TRAPPC11: variants seen among roughly 807,000 people sequenced by gnomAD.
The protein encoded by TRAPPC11 is foie gras homolog.
A neutral mutation model predicts 151.2 loss-of-function variants in TRAPPC11; 104 were observed. That is an observed-to-expected ratio of 0.69 (90% confidence interval 0.59 to 0.81). The LOEUF is 0.81. Among genes scored for constraint, TRAPPC11 ranks in the 30% least tolerant of loss-of-function variants. The pLI, the probability that TRAPPC11 is intolerant of heterozygous loss-of-function variation, is 0.00. For missense variants in TRAPPC11, 1,230 were observed against 1,349.6 expected, an observed-to-expected ratio of 0.91 and a Z score of 1.39; for synonymous variants, 456 against 472.3, an observed-to-expected ratio of 0.97 and a Z score of 0.45.
intron 25 of TRAPPC11, among the ~76,000 whole-genome samples, chr4:183,699,150 T>C (rs959337110): frequency 6.6e-6 from 1 of 152,112 alleles, no homozygotes; most frequent in Non-Finnish European, 1.5e-5. Flanking sequence ...TGCCCTTTGC[T>C]CTCTCCCAGG....
At chr4:183,669,504 G>T (rs1372426741) in intron 5 of TRAPPC11, among the ~76,000 whole-genome samples, 3 of 152,028 alleles carry the variant, frequency 2.0e-5, no homozygotes, top group Non-Finnish European at 4.4e-5. Context: ...TCCTTTTCTG[G>T]GCTCTCTCTT....
Position 183,667,089 on chromosome 4 carries a change from T to A in TRAPPC11, c.404T>A (p.Val135Asp), listed in dbSNP as rs141880154. 104 of 1,603,650 alleles carry A rather than the reference T, an allele frequency of 6.5e-5. No individual in the cohort carries two copies. Among genetic ancestry groups the A allele is most frequent in the Non-Finnish European group, 7.8e-5 (91 of 1,173,304 alleles). ...RQSLQGRNTK[V>D]AVVLIQKKTP... ...AGTTTACAAGGAAGAAACACAAAAG[T>A]TGCAGTGGTTCTGATTCAGAAGAAA... Residue 135 changes from valine (V) to aspartate (D), a missense_variant, in exon 4 of 30, where the codon GTT becomes GAT. Val to Asp is a radical substitution (Grantham distance 152, BLOSUM62 -3). Coordinates refer to ENST00000334690, the MANE Select transcript of TRAPPC11 (RefSeq NM_021942.6).
intron 7 of TRAPPC11, among the ~76,000 whole-genome samples, chr4:183,676,812 T>G (rs1445664989): frequency 6.6e-6 from 1 of 152,214 alleles, no homozygotes; most frequent in East Asian, 1.9e-4. Context: ...TTACCTGGGC[T>G]GGACTGTGGT....
At chr4:183,669,178 A>G (rs1337256356) in intron 5 of TRAPPC11, among the ~76,000 whole-genome samples, 1 of 152,242 alleles carries the variant, frequency 6.6e-6, no homozygotes, top group African/African-American at 2.4e-5. Flanking sequence ...AAACAGTAGA[A>G]TTCACACCAC....
At position 183,666,426 on chromosome 4, in the gene TRAPPC11, G is replaced by A. The variant is rs1561027445; in HGVS notation, c.374G>A (p.Arg125Lys). ...TGCGCCACCAGAGTGGAAATAGTCA[G>A]GTATGATCTTCTGTGTCAGGGCAGC... ...SECATRVEIV[R>K]QSLQGRNTKV... is the part of the protein sequence containing the mutation. The change falls in exon 3 of 30, where the codon AGG becomes AAG. Residue 125 changes from arginine (R) to lysine (K), a missense_variant and splice_region_variant. Coordinates refer to ENST00000334690, the MANE Select transcript of TRAPPC11 (RefSeq NM_021942.6). 1 of 1,611,982 alleles carries A rather than the reference G, an allele frequency of 6.2e-7. No individual in the cohort carries two copies.
intron 18 of TRAPPC11, among the ~76,000 whole-genome samples, chr4:183,689,390 C>T (rs1299090152): frequency 1.3e-5 from 2 of 152,006 alleles, no homozygotes; most frequent in African/African-American, 4.8e-5. Context: ...CCTTTTCTCA[C>T]TTAAAAGCAT....
At chr4:183,684,581 T>C (rs1438656080) in intron 14 of TRAPPC11, 115 bp from the exon 15 acceptor site, 9 of 1,209,064 alleles carry the variant, frequency 7.4e-6, no homozygotes, top group African/African-American at 1.5e-5. Flanking sequence ...TGTTCAACCA[T>C]CTCAGTAAGA....
rs1737398517 is a variant in TRAPPC11 at position 183,712,831 on chromosome 4, T to G, written c.*187T>G. 2.0e-6 allele frequency: 1 copy of G among 495,038 alleles called. No individual in the cohort carries two copies. The highest frequency in any genetic ancestry group is 3.8e-5 in the Admixed American group (1 of 26,560). 30.7% of individuals were successfully genotyped at this position (495,038 alleles called of 1,614,324 possible). A position where few individuals can be genotyped will look rare whatever the true frequency, so the allele number is the denominator to read the frequency against. On this transcript the variant is annotated 3_prime_UTR_variant, in exon 30 of 30. Coordinates refer to ENST00000334690, the MANE Select transcript of TRAPPC11 (RefSeq NM_021942.6). ...TTAGGAAAATCTGTCTTATAGTTTC[T>G]CTAATAAATATCTGAAATCTCAGTA...
intron 2 of TRAPPC11, among the ~76,000 whole-genome samples, chr4:183,665,132 T>TTG: frequency 2.1e-5 from 3 of 146,040 alleles, no homozygotes; most frequent in Non-Finnish European, 1.5e-5. Flanking sequence ...TCTCGCTCTG[T>TTG]CCCCGAGGCT....
At chr4:183,704,248 C>T (rs368490410) in intron 26 of TRAPPC11, among the ~76,000 whole-genome samples, 9 of 152,146 alleles carry the variant, frequency 5.9e-5, no homozygotes, top group East Asian at 1.9e-4. Context: ...AGGCCTGGTG[C>T]GGTGGCTCAC....
chr4:183,687,151 AG>A (rs1736018519), intron 18 of TRAPPC11, among the ~76,000 whole-genome samples: 1 of 152,218 alleles, frequency 6.6e-6, no homozygotes, highest in Admixed American at 6.5e-5. Flanking sequence ...ACTGCACTCC[AG>A]CCTGGTGACA....
chr4:183,707,341 C>T (rs1214902190), intron 28 of TRAPPC11, among the ~76,000 whole-genome samples: 1 of 151,718 alleles, frequency 6.6e-6, no homozygotes, highest in Non-Finnish European at 1.5e-5. Flanking sequence ...AGTGAAGTTT[C>T]ATAGCAATTT....
chr4:183,683,027 T>G (rs370373558), intron 11 of TRAPPC11, among the ~76,000 whole-genome samples: 1 of 152,292 alleles, frequency 6.6e-6, no homozygotes, highest in Admixed American at 6.5e-5. Flanking sequence ...GCTGTTGTGA[T>G]TAAAACATGT....
chr4:183,704,716 G>A lies in TRAPPC11; in HGVS notation c.2964-263G>A, dbSNP rs1736968402. Among the ~76,000 whole-genome samples the A allele has an allele frequency of 2.6e-5, 4 of 152,142 alleles. No individual in the cohort carries two copies. The South Asian group carries it at 6.2e-4, about 24-fold the overall frequency. ...TAGTTCCAGCTACTCGGGAGGCTGA[G>A]GCAGGAGAATGGTGTAAACCTGGGA... On this transcript the variant is annotated intron_variant, in intron 26 of 29. Coordinates refer to ENST00000334690, the MANE Select transcript of TRAPPC11 (RefSeq NM_021942.6).
intron 17 of TRAPPC11, 152 bp from the exon 18 acceptor site, chr4:183,686,466 C>A: frequency 2.6e-6 from 2 of 779,088 alleles, no homozygotes; most frequent in Non-Finnish European, 3.9e-6. Context: ...AAAAAGTTAG[C>A]TCATTTGTCT....
chr4:183,673,515 A>G (rs941993942), intron 5 of TRAPPC11, among the ~76,000 whole-genome samples: 9 of 152,094 alleles, frequency 5.9e-5, no homozygotes, highest in African/African-American at 2.2e-4. Context: ...CTCTACAAAA[A>G]ATATAAAAAT....
intron 25 of TRAPPC11, among the ~76,000 whole-genome samples, chr4:183,699,346 T>G (rs1346940405): frequency 6.6e-6 from 1 of 152,194 alleles, no homozygotes; most frequent in Non-Finnish European, 1.5e-5. Flanking sequence ...TCTTCCTTCT[T>G]TATTCCCATG....
intron 25 of TRAPPC11, among the ~76,000 whole-genome samples, chr4:183,700,273 C>T (rs959411057): frequency 2.6e-5 from 4 of 152,130 alleles, no homozygotes; most frequent in African/African-American, 9.7e-5. Context: ...ATATCATTTC[C>T]AAGTCTTTAA....
rs1735521200 is a variant in TRAPPC11, at chr4:183,678,447, A to G, written c.831+893A>G. 2.0e-5 allele frequency among the ~76,000 whole-genome samples: 3 copies of G among 152,340 alleles called. No individual in the cohort carries two copies. The South Asian group carries it at 6.2e-4, about 32-fold the overall frequency. ...TTTCTAATAGGAAAAGATTAGAAAC[A>G]ACCCAGTTGTAAGTGATTGGTTATA... On this transcript the variant is annotated intron_variant, in intron 8 of 29. Coordinates refer to ENST00000334690, the MANE Select transcript of TRAPPC11 (RefSeq NM_021942.6).
Sources: gnomAD v4.1 joint callset for allele counts (sites outside exome capture counted in the v4.1 genomes callset) on GRCh38, gnomAD v4.1.1 for gene constraint, MANE v1.5 for transcripts, NCBI Gene and HGNC (gene_info 2026-07-23, HGNC 2026-07-21) for gene names.